The following ESRP1 variants were observed in gnomAD, a reference collection of about 807,000 sequenced individuals.
The protein encoded by ESRP1 is RNA-binding motif protein 35A.
Under a neutral mutation model 81.7 loss-of-function variants are expected in ESRP1, and 33 were observed. The observed-to-expected ratio is 0.40, with a 90% CI of 0.31 to 0.54. ESRP1 has a LOEUF of 0.54. ESRP1 is among the 20% of genes least tolerant of loss of function. ESRP1 has a pLI of 0.41. For synonymous variants in ESRP1, 320 were observed against 303.3 expected (o/e 1.06, Z -0.57); for missense variants, 672 against 833.1 (o/e 0.81, Z 2.38).
At chr8:94,643,465 C>T (rs1238538204) in intron 3 of ESRP1, 49 bp downstream of exon 3, 1 of 1,307,320 alleles carries the variant, frequency 7.6e-7, no homozygotes, top group Admixed American at 2.0e-5. Context: ...TTTGGGGTGA[C>T]TGGAGGTTTT....
chr8:94,687,977 T>G (rs1289553679), intron 13 of ESRP1, among the ~76,000 whole-genome samples: 1 of 152,222 alleles, frequency 6.6e-6, no homozygotes, highest in African/African-American at 2.4e-5. Flanking sequence ...CACAAAGATT[T>G]ACTACTATGT....
At chr8:94,662,165 C>A in intron 4 of ESRP1, 107 bp from the exon 5 acceptor site, 1 of 652,198 alleles carries the variant, frequency 1.5e-6, no homozygotes, top group Non-Finnish European at 2.5e-6. Context: ...CTAAAGGAAG[C>A]TCAGCTAGAT....
In ESRP1 at chr8:94,678,339, G is replaced by A; in HGVS notation, c.1788G>A (p.Gln596=). 1 of 1,613,928 alleles carries A rather than the reference G, an allele frequency of 6.2e-7. No homozygotes were observed. The highest frequency in any genetic ancestry group is 8.5e-7 in the Non-Finnish European group (1 of 1,179,862). ...CAGCGTACTACCCAGCAGGCACTCA[G>A]CTCTTCATGAATTACACAGCGTACT... ...PSTAYYPAGT[Q]LFMNYTAYYP... The change falls in exon 13 of 16, where the codon CAG becomes CAA. Residue 596 remains glutamine (Q), a synonymous_variant. Coordinates refer to ENST00000433389, the MANE Select transcript of ESRP1 (RefSeq NM_017697.4).
chr8:94,667,093 G>GTGTGTGTGTGTGTGTA (rs1213092241), intron 9 of ESRP1, among the ~76,000 whole-genome samples: 1 of 151,538 alleles, frequency 6.6e-6, no homozygotes, highest in Non-Finnish European at 1.5e-5. Context: ...GTGTGTGTGT[G>GTGTGTGTGTGTGTGTA]TAATCCCAGC....
rs1809403570 is a variant in ESRP1, at chr8:94,691,552, G to C, written c.1821-1125G>C. ...CTAGGAAAGTGCTGATCACCCCCCA[G>C]TAAGCAAATGAAGGAATTAAGTGAT... On this transcript the variant is annotated intron_variant, in intron 13 of 15. Transcript: ENST00000433389. Among the ~76,000 whole-genome samples the C allele has an allele frequency of 2.0e-5, 3 of 152,310 alleles. No individual in the cohort carries two copies. In the South Asian group the frequency reaches 6.2e-4, roughly 32 times the overall value.
chr8:94,666,795 G>A (rs1407927213), intron 9 of ESRP1, among the ~76,000 whole-genome samples: 1 of 151,330 alleles, frequency 6.6e-6, no homozygotes, highest in African/African-American at 2.4e-5. Context: ...GGGTTGCTGT[G>A]GTTTTACCTA....
chr8:94,653,442 C>T (rs1818249343), intron 4 of ESRP1, among the ~76,000 whole-genome samples: 1 of 152,172 alleles, frequency 6.6e-6, no homozygotes, highest in African/African-American at 2.4e-5. Context: ...TGCCACTTAG[C>T]TGGTGGTTGG....
chr8:94,657,924 T>C lies in ESRP1; in HGVS notation c.491-4348T>C, dbSNP rs1818517188. Among the ~76,000 whole-genome samples the C allele has an allele frequency of 1.3e-5, 2 of 152,082 alleles. 1 individual carries two copies. The highest frequency in any genetic ancestry group is 1.3e-4 in the Admixed American group (2 of 15,254). Reference sequence around the variant, plus strand: ...TGAACATCACTCAATCCCAGTGGTTTGTTTGCGATGGAGTCTTGCTCTGTT... The same window carrying C: ...TGAACATCACTCAATCCCAGTGGTTCGTTTGCGATGGAGTCTTGCTCTGTT... On this transcript the variant is annotated intron_variant, in intron 4 of 15. Coordinates refer to ENST00000433389, the MANE Select transcript of ESRP1 (RefSeq NM_017697.4).
intron 4 of ESRP1, 143 bp downstream of exon 4, chr8:94,646,425 T>C (rs1250621598): frequency 5.4e-6 from 3 of 554,360 alleles, no homozygotes; most frequent in Non-Finnish European, 6.4e-6. Context: ...GCTGAGAAAC[T>C]AAAATACAAT....
At chr8:94,653,255 T>C (rs1239227811) in intron 4 of ESRP1, among the ~76,000 whole-genome samples, 2 of 152,180 alleles carry the variant, frequency 1.3e-5, no homozygotes, top group Non-Finnish European at 2.9e-5. Context: ...CACATATGTG[T>C]GCTCTATTAT....
rs1168921598 is a variant in ESRP1, at chr8:94,673,071, G to A, written c.1453-1237G>A. ...TCCTGAGCCCTTGCCTTCTATACCA[G>A]TTTTCTGCATCAGCACATGCTCATT... On this transcript the variant is annotated intron_variant, in intron 11 of 15. Transcript: ENST00000433389. Among the ~76,000 whole-genome samples the A allele has an allele frequency of 2.0e-5, 3 of 152,120 alleles. No homozygotes were observed. In the East Asian group the frequency reaches 5.8e-4, roughly 29 times the overall value.
chr8:94,668,960 G>A (rs1268036621), intron 10 of ESRP1, among the ~76,000 whole-genome samples: 3 of 152,086 alleles, frequency 2.0e-5, no homozygotes, highest in African/African-American at 7.2e-5. Flanking sequence ...ACCCAGCTAA[G>A]TTTTGAATTT....
chr8:94,642,400 C>T (rs7826830), intron 2 of ESRP1, among the ~76,000 whole-genome samples: 20,305 of 152,302 alleles, frequency 0.13, 1,602 homozygotes, highest in South Asian at 0.21. Flanking sequence ...TCCTAGCGCC[C>T]CCATCTCCAG....
intron 4 of ESRP1, among the ~76,000 whole-genome samples, chr8:94,661,374 A>G (rs1482772931): frequency 6.6e-6 from 1 of 152,142 alleles, no homozygotes; most frequent in Non-Finnish European, 1.5e-5. Flanking sequence ...AGGCATGTAC[A>G]TTTTTTAAAA....
chr8:94,667,229 A>C (rs1819071497), intron 9 of ESRP1, among the ~76,000 whole-genome samples: 1 of 151,392 alleles, frequency 6.6e-6, no homozygotes, highest in Admixed American at 6.6e-5. Flanking sequence ...AAAAAAAAAC[A>C]AAAAAGAAGC....
At chr8:94,650,786 A>C (rs1164236214) in intron 4 of ESRP1, among the ~76,000 whole-genome samples, 8 of 141,416 alleles carry the variant, frequency 5.7e-5, no homozygotes, top group African/African-American at 4.9e-5. Context: ...GATCTTGGCT[A>C]ACTGCAAGCA....
At chr8:94,690,347 G>A (rs1231966195) in intron 13 of ESRP1, among the ~76,000 whole-genome samples, 1 of 131,370 alleles carries the variant, frequency 7.6e-6, no homozygotes, top group Admixed American at 8.8e-5. Context: ...TGGCTAGGCT[G>A]GTCTCGAACT....
At chr8:94,693,642 C>G (rs565569328) in intron 14 of ESRP1, among the ~76,000 whole-genome samples, 1 of 152,128 alleles carries the variant, frequency 6.6e-6, no homozygotes, top group Non-Finnish European at 1.5e-5. Flanking sequence ...TGGATCTGAA[C>G]GTTGCTTGAG....
At chr8:94,667,402 C>G (rs1354688935) in intron 9 of ESRP1, among the ~76,000 whole-genome samples, 1 of 147,620 alleles carries the variant, frequency 6.8e-6, no homozygotes, top group Non-Finnish European at 1.5e-5. Flanking sequence ...TTATACTATT[C>G]TTTTTACTAA....
Sources: gnomAD v4.1 joint callset for allele counts (sites outside exome capture counted in the v4.1 genomes callset) on GRCh38, gnomAD v4.1.1 for gene constraint, MANE v1.5 for transcripts, NCBI Gene and HGNC (gene_info 2026-07-23, HGNC 2026-07-21) for gene names.